GNA14: variants seen among roughly 807,000 people sequenced by gnomAD.
GNA14 encodes G protein subunit alpha 14, also known as guanine nucleotide-binding protein subunit alpha-14.
Under a neutral mutation model 42.0 loss-of-function variants are expected in GNA14, and 50 were observed. The ratio of observed to expected loss-of-function variants is 1.19; its 90% CI spans 0.95 to 1.51. The LOEUF (loss-of-function observed/expected upper bound fraction) is 1.51. Among genes scored for constraint, GNA14 ranks in the 40% most tolerant of loss-of-function variants. The pLI, the probability that GNA14 is intolerant of heterozygous loss-of-function variation, is 0.00. For missense variants in GNA14, 473 were observed against 446.2 expected, an observed-to-expected ratio of 1.06 and a Z score of -0.54; for synonymous variants, 173 against 163.1, an observed-to-expected ratio of 1.06 and a Z score of -0.46.
chr9:77,582,099 T>C (rs1823234546), intron 1 of GNA14, among the ~76,000 whole-genome samples: 1 of 152,240 alleles, frequency 6.6e-6, no homozygotes, highest in Non-Finnish European at 1.5e-5. Context: ...ATCCACAACC[T>C]GGATCATGTG....
intron 1 of GNA14, among the ~76,000 whole-genome samples, chr9:77,557,264 GA>G (rs1822799737): frequency 6.6e-6 from 1 of 152,146 alleles, no homozygotes; most frequent in African/African-American, 2.4e-5. Flanking sequence ...AAAATGGAAA[GA>G]AAAAGATTAG....
intron 2 of GNA14, among the ~76,000 whole-genome samples, chr9:77,502,622 G>C (rs1410634669): frequency 6.6e-6 from 1 of 152,114 alleles, no homozygotes; most frequent in Non-Finnish European, 1.5e-5. Flanking sequence ...GTCCAGTGCT[G>C]AAAGTCCTGC....
intron 1 of GNA14, among the ~76,000 whole-genome samples, chr9:77,605,267 A>G (rs1316921113): frequency 6.6e-6 from 1 of 152,242 alleles, no homozygotes; most frequent in Admixed American, 6.5e-5. Context: ...GAGATGACCA[A>G]TCCTTGGGTG....
At chr9:77,548,412 A>T (rs1340543999) in intron 1 of GNA14, among the ~76,000 whole-genome samples, 1 of 152,178 alleles carries the variant, frequency 6.6e-6, no homozygotes, top group Non-Finnish European at 1.5e-5. Flanking sequence ...TTTCCAAATA[A>T]GGTCACATTC....
At chr9:77,544,401 A>C (rs947122725) in intron 1 of GNA14, among the ~76,000 whole-genome samples, 1 of 152,144 alleles carries the variant, frequency 6.6e-6, no homozygotes, top group Non-Finnish European at 1.5e-5. Context: ...AACTCATTTC[A>C]TTTGTAAGAA....
chr9:77,637,564 T>A (rs993210467), intron 1 of GNA14, among the ~76,000 whole-genome samples: 1 of 152,246 alleles, frequency 6.6e-6, no homozygotes, highest in Admixed American at 6.5e-5. Context: ...ATTCTATTGT[T>A]AAAGTTGTTG....
Position 77,424,104 on chromosome 9 carries a change from C to T in GNA14, c.943G>A (p.Asp315Asn), listed in dbSNP as rs1835416422. 1 of 1,612,624 alleles carries T rather than the reference C, an allele frequency of 6.2e-7. No homozygotes were observed. ...ILKLYQDQNP[D>N]KEKVIYSHFT... ...TGAGAGTAGATGACTTTCTCTTTGT[C>T]AGGATTCTGATCTTGGTAAAGCTTC... Residue 315 changes from aspartate to asparagine, a missense_variant, in exon 7 of 7, where the codon GAC (aspartate) becomes AAC (asparagine). Physicochemically the swap from Asp to Asn is conservative, Grantham distance 23. Transcript: ENST00000341700.
At chr9:77,451,112 G>A (rs749447460) in intron 2 of GNA14, among the ~76,000 whole-genome samples, 1 of 152,052 alleles carries the variant, frequency 6.6e-6, no homozygotes, top group Non-Finnish European at 1.5e-5. Flanking sequence ...AGAATGTGAC[G>A]GCCCTATGGG....
chr9:77,573,750 T>C (rs1412288064), intron 1 of GNA14, among the ~76,000 whole-genome samples: 1 of 152,176 alleles, frequency 6.6e-6, no homozygotes. Flanking sequence ...ACTTTTGTAC[T>C]GCTTAAGCAC....
At chr9:77,470,719 G>A (rs1032544267) in intron 2 of GNA14, among the ~76,000 whole-genome samples, 1 of 152,162 alleles carries the variant, frequency 6.6e-6, no homozygotes, top group Non-Finnish European at 1.5e-5. Context: ...AAAGAAAAGA[G>A]GTTGAATTGA....
At chr9:77,478,405 A>G (rs1193267348) in intron 2 of GNA14, among the ~76,000 whole-genome samples, 3 of 152,050 alleles carry the variant, frequency 2.0e-5, no homozygotes, top group African/African-American at 7.2e-5. Context: ...TATGTGCCAC[A>G]TTTTCTTAAT....
chr9:77,561,678 C>T (rs572098458), intron 1 of GNA14, among the ~76,000 whole-genome samples: 2 of 152,112 alleles, frequency 1.3e-5, no homozygotes, highest in East Asian at 1.9e-4. Context: ...CTTGGAATGA[C>T]AAAAAAATTT....
chr9:77,627,216 G>A (rs1454066427), intron 1 of GNA14, among the ~76,000 whole-genome samples: 1 of 152,092 alleles, frequency 6.6e-6, no homozygotes, highest in African/African-American at 2.4e-5. Context: ...ACTAATAACA[G>A]GTTCTGAAAT....
At chr9:77,574,176 A>T (rs1823098417) in intron 1 of GNA14, among the ~76,000 whole-genome samples, 1 of 152,198 alleles carries the variant, frequency 6.6e-6, no homozygotes. Context: ...GAGGACCTAC[A>T]GGAAACACAG....
intron 3 of GNA14, among the ~76,000 whole-genome samples, chr9:77,433,681 C>T (rs1394429872): frequency 2.0e-5 from 3 of 152,202 alleles, no homozygotes; most frequent in Non-Finnish European, 4.4e-5. Context: ...AATCTGTCAT[C>T]TCTATGGGAC....
chr9:77,577,711 TG>T (rs1276509126), intron 1 of GNA14, among the ~76,000 whole-genome samples: 1 of 152,204 alleles, frequency 6.6e-6, no homozygotes, highest in African/African-American at 2.4e-5. Flanking sequence ...CCACTTTCAA[TG>T]AGGGCTCTGT....
intron 2 of GNA14, among the ~76,000 whole-genome samples, chr9:77,452,549 AGTGTGTGTGT>A (rs200313599): frequency 1.8e-5 from 1 of 55,154 alleles, no homozygotes; most frequent in Non-Finnish European, 3.2e-5. Context: ...ACTGCACACA[AGTGTGTGTGT>A]GTGTGTGTGT....
intron 1 of GNA14, among the ~76,000 whole-genome samples, chr9:77,624,987 C>CA (rs1823990446): frequency 6.6e-6 from 1 of 151,662 alleles, no homozygotes; most frequent in Non-Finnish European, 1.5e-5. Context: ...TAACCCAATG[C>CA]AAAGAACCTA....
At chr9:77,615,269 T>C (rs1344174948) in intron 1 of GNA14, among the ~76,000 whole-genome samples, 3 of 152,108 alleles carry the variant, frequency 2.0e-5, no homozygotes, top group Non-Finnish European at 2.9e-5. Flanking sequence ...CTCCCAGAAA[T>C]TATCCCAAAT....
Sources: allele counts gnomAD v4.1 joint callset (sites outside exome capture counted in the v4.1 genomes callset), GRCh38; gene constraint gnomAD v4.1.1; transcripts MANE v1.5; gene names NCBI Gene and HGNC (gene_info 2026-07-23, HGNC 2026-07-21).